The following MTA2 variants were observed in gnomAD, a reference collection of about 807,000 sequenced individuals.
The protein encoded by MTA2 is metastasis associated 1 family member 2.
Under a neutral mutation model 87.1 loss-of-function variants are expected in MTA2, and 22 were observed. The observed-to-expected ratio is 0.25, with a 90% CI of 0.18 to 0.36. MTA2 has a LOEUF of 0.36. MTA2 is among the 10% of genes least tolerant of loss of function. The probability of loss-of-function intolerance (pLI) is 1.00; values close to 1 mark genes in which losing one functional copy is unlikely to be tolerated. For missense variants in MTA2, 542 were observed against 853.2 expected, an observed-to-expected ratio of 0.64 and a Z score of 4.54; for synonymous variants, 314 against 310.1, an observed-to-expected ratio of 1.01 and a Z score of -0.13.
At chr11:62,598,686 A>G (rs766081782) in intron 3 of MTA2, 47 bp from the exon 4 acceptor site, 1 of 1,516,116 alleles carries the variant, frequency 6.6e-7, no homozygotes, top group Non-Finnish European at 9.1e-7. Context: ...GGATCCAGCA[A>G]AACACCACCC....
rs1942092002 is a variant in MTA2 at position 62,595,905 on chromosome 11, A to G, written c.1115-14T>C. The G allele has an allele frequency of 1.2e-6, 2 of 1,614,046 alleles. No homozygotes were observed. The highest frequency in any genetic ancestry group is 1.7e-6 in the Non-Finnish European group (2 of 1,180,018). On this transcript the variant is annotated splice_polypyrimidine_tract_variant and intron_variant, in intron 12 of 17. Coordinates refer to ENST00000278823, the MANE Select transcript of MTA2 (RefSeq NM_004739.4). This position sits in a 1 kb window ranked among gnomAD's most constrained non-coding sequence, Gnocchi z 4.9. Reference sequence around the variant, plus strand: ...CAGACTGTGTGGCTGTAGAGTACGGAGAGGAGGGGGACAGGGAAGAAGCAT... The same window carrying G: ...CAGACTGTGTGGCTGTAGAGTACGGGGAGGAGGGGGACAGGGAAGAAGCAT...
At chr11:62,598,438 C>T in intron 4 of MTA2, 48 bp from the exon 5 acceptor site, 1 of 1,608,134 alleles carries the variant, frequency 6.2e-7, no homozygotes, top group Non-Finnish European at 8.5e-7. Flanking sequence ...CTCTCCCTCC[C>T]CACAGCATCT....
In MTA2 at chr11:62,601,706, C is replaced by T. The variant is rs952487394; in HGVS notation, c.-256G>A. ...CGCTCGGCTTCTTCCGGAACGAGCT[C>T]GGCTCCTGCCAGGCCAGAGCCAGGC... On this transcript the variant is annotated 5_prime_UTR_variant, in exon 1 of 18. Transcript: ENST00000278823. 2.1e-5 allele frequency: 11 copies of T among 528,072 alleles called. No homozygotes were observed. Among genetic ancestry groups the T allele is most frequent in the Non-Finnish European group, 3.6e-5 (11 of 303,464 alleles). 32.7% of individuals were successfully genotyped at this position (528,072 alleles called of 1,614,324 possible). A position where few individuals can be genotyped will look rare whatever the true frequency, so the allele number is the denominator to read the frequency against.
intron 2 of MTA2, 178 bp downstream of exon 2, chr11:62,600,444 A>T: frequency 2.5e-6 from 2 of 800,260 alleles, no homozygotes; most frequent in East Asian, 2.7e-5. Flanking sequence ...CTTTGCCCCC[A>T]AGAGACAGAA....
In MTA2 at chr11:62,601,781, G is replaced by A; in HGVS notation, c.-331C>T. On this transcript the variant is annotated 5_prime_UTR_variant, in exon 1 of 18. Coordinates refer to ENST00000278823, the MANE Select transcript of MTA2 (RefSeq NM_004739.4). Reference sequence around the variant, plus strand: ...GTCCCACTAGTCGTTGGGCTCTGCCGGCCGCAGGGAAGGCTTGCCGGGCCC... The same window carrying A: ...GTCCCACTAGTCGTTGGGCTCTGCCAGCCGCAGGGAAGGCTTGCCGGGCCC... 1 of 506,084 alleles carries A rather than the reference G, an allele frequency of 2.0e-6. No homozygotes were observed. The highest frequency in any genetic ancestry group is 3.4e-6 in the Non-Finnish European group (1 of 290,798). The allele number at this position is 506,084 out of a possible 1,614,324, so 31.3% of individuals were successfully genotyped here.
chr11:62,598,423 C>T, intron 4 of MTA2, 33 bp from the exon 5 acceptor site: 5 of 1,609,120 alleles, frequency 3.1e-6, no homozygotes, highest in Non-Finnish European at 4.3e-6. Context: ...CCCCGGTGAG[C>T]CCCACTCTCC....
chr11:62,596,739 C>T lies in MTA2; in HGVS notation c.780G>A (p.Leu260=), dbSNP rs1368285747. 5.0e-6 allele frequency: 8 copies of T among 1,614,092 alleles called. No individual in the cohort carries two copies. Among genetic ancestry groups the T allele is most frequent in the Middle Eastern group, 3.3e-4 (2 of 6,084 alleles). The change falls in exon 9 of 18, where the codon CTG becomes CTA. Residue 260 remains leucine, a synonymous_variant. Transcript: ENST00000278823. The stretch of plus-strand genomic sequence containing the variant: ...ACCATTCCTCCATCTCATCCCGACA[C>T]AGCACCGGGCCTCCCTGGGGTACCA... ...STLVPQGGPV[L]CRDEMEEWSA...
In MTA2 at chr11:62,598,645, A is replaced by C. The variant is rs369313342; in HGVS notation, c.191-6T>G. 1.6e-5 allele frequency: 25 copies of C among 1,612,594 alleles called. No homozygotes were observed. In the African/African-American group the frequency reaches 2.8e-4, roughly 18 times the overall value. ...TGATTCCTCTTCAAACTCCCCTGGG[A>C]GATTAAAGAGGAAGAAACCAAGTCA... On this transcript the variant is annotated splice_polypyrimidine_tract_variant and splice_region_variant and intron_variant, in intron 3 of 17. Coordinates refer to ENST00000278823, the MANE Select transcript of MTA2 (RefSeq NM_004739.4).
Position 62,595,402 on chromosome 11 carries a change from T to G in MTA2, c.1345A>C (p.Lys449Gln), listed in dbSNP as rs1355186666. 6.2e-7 allele frequency: 1 copy of G among 1,614,246 alleles called. No individual in the cohort carries two copies. Among genetic ancestry groups the G allele is most frequent in the Non-Finnish European group, 8.5e-7 (1 of 1,180,044 alleles). The change falls in exon 14 of 18, where the codon AAG becomes CAG. Residue 449 changes from lysine to glutamine, a missense_variant. Lys to Gln is a moderately conservative substitution (Grantham distance 53). Around this residue, in one of 6 missense-constraint regions of MTA2, gnomAD observed 269 missense variants for 346.4 expected, o/e 0.78. Transcript: ENST00000278823. The surrounding 1 kb of genome is among the most constrained non-coding windows in gnomAD (Gnocchi z 4.9). Reference sequence around the variant, plus strand: ...TGAAGCAGGAAAGTTTGTCTGTTCTTAGCCAGTAGCTTGGCCCTGTTGGCG... The same window carrying G: ...TGAAGCAGGAAAGTTTGTCTGTTCTGAGCCAGTAGCTTGGCCCTGTTGGCG... The part of the protein sequence containing the change: ...TSANRAKLLA[K>Q]NRQTFLLQTT...
At position 62,595,542 on chromosome 11, in the gene MTA2, T is replaced by A. The variant is rs376261114; in HGVS notation, c.1255-50A>T. ...AGAGAGCAGAAATCAGCACTGAGGC[T>A]CCCTTCTTTCTTCCATTCCCTGCAG... On this transcript the variant is annotated intron_variant, in intron 13 of 17. Transcript: ENST00000278823. The surrounding 1 kb of genome is among the most constrained non-coding windows in gnomAD (Gnocchi z 4.9). The A allele has an allele frequency of 4.3e-5, 69 of 1,594,610 alleles. No homozygotes were observed. In the African/African-American group the frequency reaches 8.3e-4, roughly 19 times the overall value.
At position 62,593,902 on chromosome 11, in the gene MTA2, G is replaced by A; in HGVS notation, c.1980C>T (p.Thr660=). ...AGTCCTCCAGGACAATAGGCTCATT[G>A]GTGCTGGCAGGATGTGAGGGTGCAG... ...PLPAPSHPAS[T]NEPIVLED Residue 660 remains threonine, a synonymous_variant, in exon 18 of 18, where the codon ACC becomes ACT. Coordinates refer to ENST00000278823, the MANE Select transcript of MTA2 (RefSeq NM_004739.4). 6.2e-7 allele frequency: 1 copy of A among 1,614,158 alleles called. No homozygotes were observed. Among genetic ancestry groups the A allele is most frequent in the South Asian group, 1.1e-5 (1 of 91,080 alleles).
At chr11:62,599,561 A>T (rs777614740) in intron 3 of MTA2, among the ~76,000 whole-genome samples, 5 of 152,132 alleles carry the variant, frequency 3.3e-5, no homozygotes, top group Non-Finnish European at 7.3e-5. Flanking sequence ...AAAGAAAACC[A>T]AAGCAGGAAA....
Position 62,597,633 on chromosome 11 carries a change from G to T in MTA2, c.570C>A (p.Ile190=). The change falls in exon 7 of 18, where the codon ATC becomes ATA. Residue 190 remains isoleucine, a synonymous_variant. Coordinates refer to ENST00000278823, the MANE Select transcript of MTA2 (RefSeq NM_004739.4). ...DPDNPLTDRQ[I]DQFLVVARAV... ...ACCGGGCCACCACAAGAAACTGGTC[G>T]ATCTGCCGGTCTGTGAGAGGGTTGT... 1 of 1,614,100 alleles carries T rather than the reference G, an allele frequency of 6.2e-7. No individual in the cohort carries two copies.
Position 62,593,267 on chromosome 11 carries a change from G to GT in MTA2, c.*607dup, listed in dbSNP as rs1316623852. On this transcript the variant is annotated 3_prime_UTR_variant, in exon 18 of 18. Transcript: ENST00000278823. ...ATAAGAACCAATTACAGAATCCGAG[G>GT]TTAAAAAAACGGACAAAAGATCTTT... is the stretch of plus-strand genomic sequence containing the variant. The GT allele has an allele frequency of 1.3e-5, 2 of 151,828 alleles. No homozygotes were observed. Among genetic ancestry groups the GT allele is most frequent in the Non-Finnish European group, 2.9e-5 (2 of 67,974 alleles). The allele number at this position is 151,828 out of a possible 1,614,324, so 9.4% of individuals were successfully genotyped here. A position where few individuals can be genotyped will look rare whatever the true frequency, so the allele number is the denominator to read the frequency against.
Position 62,596,622 on chromosome 11 carries a change from G to A in MTA2, c.882+15C>T. ...GTCATCTCTCCCACTTCTCCTCCTAGTGCCATCCACTTACAAAATCCTGGC... is the reference window on the plus strand; with the variant it reads ...GTCATCTCTCCCACTTCTCCTCCTAATGCCATCCACTTACAAAATCCTGGC... On this transcript the variant is annotated intron_variant, in intron 9 of 17. Transcript: ENST00000278823. 1 of 1,611,800 alleles carries A rather than the reference G, an allele frequency of 6.2e-7. No homozygotes were observed. The highest frequency in any genetic ancestry group is 8.5e-7 in the Non-Finnish European group (1 of 1,178,600).
In MTA2 at chr11:62,595,721, C is replaced by G. The variant is rs371491988; in HGVS notation, c.1254+31G>C. The G allele has an allele frequency of 1.2e-6, 2 of 1,612,114 alleles. No individual in the cohort carries two copies. Among genetic ancestry groups the G allele is most frequent in the African/African-American group, 2.7e-5 (2 of 74,878 alleles). On this transcript the variant is annotated intron_variant, in intron 13 of 17. Coordinates refer to ENST00000278823, the MANE Select transcript of MTA2 (RefSeq NM_004739.4). This position sits in a 1 kb window ranked among gnomAD's most constrained non-coding sequence, Gnocchi z 4.9. The stretch of plus-strand genomic sequence containing the variant: ...GCTCACCATCAATATGCTTACTGCT[C>G]TCCCCTGCTTTTCTTCCCACTGATC...
At chr11:62,600,582 C>G (rs1193994385) in intron 2 of MTA2, 40 bp downstream of exon 2, 3 of 1,575,068 alleles carry the variant, frequency 1.9e-6, no homozygotes. Context: ...TCAGAAGAGA[C>G]CACTGCGGGA....
intron 1 of MTA2, 73 bp downstream of exon 1, chr11:62,601,350 G>A: frequency 6.4e-7 from 1 of 1,562,182 alleles, no homozygotes; most frequent in Non-Finnish European, 8.7e-7. Flanking sequence ...CGCGCCACCC[G>A]GTGCCGAGCC....
chr11:62,596,324 G>C lies in MTA2; in HGVS notation c.971C>G (p.Ala324Gly). ...DRYIQQKRLKAAEADSKLKQV... is the reference protein window; with the variant it reads ...DRYIQQKRLKGAEADSKLKQV... Reference sequence around the variant, plus strand: ...TTTCAGTTTGCTGTCTGCTTCAGCAGCTTTCAACCTTTTCTGTAAGAAGGT... The same window carrying C: ...TTTCAGTTTGCTGTCTGCTTCAGCACCTTTCAACCTTTTCTGTAAGAAGGT... Residue 324 changes from alanine (A) to glycine (G), a missense_variant, in exon 11 of 18, where the codon GCT becomes GGT. By Grantham distance (60) the Ala-to-Gly change is moderately conservative. Coordinates refer to ENST00000278823, the MANE Select transcript of MTA2 (RefSeq NM_004739.4). 12 of 1,614,168 alleles carry C rather than the reference G, an allele frequency of 7.4e-6. No homozygotes were observed. The highest frequency in any genetic ancestry group is 1.0e-5 in the Non-Finnish European group (12 of 1,180,022).
Sources: gnomAD v4.1 joint callset for allele counts (sites outside exome capture counted in the v4.1 genomes callset) on GRCh38, gnomAD v4.1.1 for gene constraint, gnomAD v4.1.1 regional missense constraint, Gnocchi (gnomAD v3.1) non-coding constraint, MANE v1.5 for transcripts, NCBI Gene and HGNC (gene_info 2026-07-23, HGNC 2026-07-21) for gene names.